The following SLC44A5 variants were observed in gnomAD, a reference collection of about 807,000 sequenced individuals.
SLC44A5 encodes the protein choline transporter-like protein 5.
Under a neutral mutation model 101.8 loss-of-function variants are expected in SLC44A5, and 57 were observed. That is an observed-to-expected ratio of 0.56 (90% confidence interval 0.45 to 0.70). The LOEUF (loss-of-function observed/expected upper bound fraction) is 0.70. SLC44A5 is among the 30% of genes least tolerant of loss of function. SLC44A5 has a pLI of 0.00. For missense variants in SLC44A5, 737 were observed against 853.1 expected (o/e 0.86, Z 1.70); for synonymous variants, 281 against 290.9 (o/e 0.97, Z 0.35).
chr1:75,414,683 G>C (rs1185713368), intron 2 of SLC44A5, among the ~76,000 whole-genome samples: 2 of 152,220 alleles, frequency 1.3e-5, no homozygotes, highest in African/African-American at 2.4e-5. Context: ...AGACAGGCAG[G>C]AGTTAAATAG....
At chr1:75,402,857 C>T (rs566780865) in intron 2 of SLC44A5, among the ~76,000 whole-genome samples, 2 of 152,226 alleles carry the variant, frequency 1.3e-5, no homozygotes. Flanking sequence ...CCATTTACTC[C>T]CCTGGAAAGG....
At chr1:75,592,993 G>A (rs1046130889) in intron 1 of SLC44A5, among the ~76,000 whole-genome samples, 1 of 152,006 alleles carries the variant, frequency 6.6e-6, no homozygotes, top group African/African-American at 2.4e-5. Context: ...GAACAAATGG[G>A]ATCATATTAA....
At chr1:75,464,063 G>A (rs1666668647) in intron 2 of SLC44A5, among the ~76,000 whole-genome samples, 1 of 151,408 alleles carries the variant, frequency 6.6e-6, no homozygotes, top group African/African-American at 2.4e-5. Flanking sequence ...TCTACTAAAA[G>A]CACAAAAAAT....
intron 3 of SLC44A5, among the ~76,000 whole-genome samples, chr1:75,374,007 C>T (rs1230964628): frequency 6.6e-6 from 1 of 152,150 alleles, no homozygotes; most frequent in Non-Finnish European, 1.5e-5. Context: ...TCCCTCCCTC[C>T]ACCAGACCAG....
intron 7 of SLC44A5, among the ~76,000 whole-genome samples, chr1:75,248,339 A>T (rs549615396): frequency 1.7e-4 from 26 of 152,262 alleles, no homozygotes; most frequent in African/African-American, 6.0e-4. Context: ...GGAAAAAATG[A>T]TAATAAAAAA....
At chr1:75,641,923 G>T in the SLC44A5 span, 1 of 1,605,464 alleles carries the variant, frequency 6.2e-7, no homozygotes, top group Admixed American at 1.7e-5. Flanking sequence ...GTTTGGATTT[G>T]GATTTCTTTG....
chr1:75,561,240 T>C (rs1229755969), intron 1 of SLC44A5, among the ~76,000 whole-genome samples: 2 of 152,292 alleles, frequency 1.3e-5, no homozygotes, highest in African/African-American at 4.8e-5. Context: ...AGTCTCCCAG[T>C]ATACTTTCAG....
chr1:75,615,424 C>CACACAT (rs1334541282), upstream of SLC44A5, among the ~76,000 whole-genome samples: 4 of 97,234 alleles, frequency 4.1e-5, no homozygotes, highest in Non-Finnish European at 8.7e-5. Context: ...CTTACACACA[C>CACACAT]ACACACATAC....
At chr1:75,408,218 G>T (rs778995291) in intron 2 of SLC44A5, among the ~76,000 whole-genome samples, 13 of 152,172 alleles carry the variant, frequency 8.5e-5, no homozygotes, top group Non-Finnish European at 1.9e-4. Context: ...AAACACAGAT[G>T]CTAGAGAGGA....
intron 2 of SLC44A5, among the ~76,000 whole-genome samples, chr1:75,416,562 C>G (rs1274259109): frequency 6.6e-6 from 1 of 152,190 alleles, no homozygotes; most frequent in African/African-American, 2.4e-5. Context: ...AAGTGGGCCA[C>G]CATCCTCCAG....
chr1:75,697,862 T>A, the SLC44A5 span, among the ~76,000 whole-genome samples: 2 of 152,134 alleles, frequency 1.3e-5, no homozygotes, highest in South Asian at 4.1e-4. Context: ...GTCACGGAGT[T>A]CCCTTTCCTA....
At chr1:75,401,374 A>T (rs1261839898) in intron 2 of SLC44A5, among the ~76,000 whole-genome samples, 6 of 152,342 alleles carry the variant, frequency 3.9e-5, no homozygotes, top group Admixed American at 6.5e-5. Context: ...GATCTTAAGC[A>T]AATCAGCATA....
chr1:75,384,145 G>C (rs7552853), intron 3 of SLC44A5, among the ~76,000 whole-genome samples: 77,078 of 151,082 alleles, frequency 0.51, 21,461 homozygotes, highest in East Asian at 0.94. Flanking sequence ...GAAACTGCAT[G>C]AACTAACGAG....
chr1:75,217,822 C>A lies in SLC44A5; in HGVS notation c.1624+44G>T, dbSNP rs372174708. ...CATCAGGTCTCCCCCAACCCCCAAC[C>A]CAATTTATTATCTTCACAAAAGTCA... On this transcript the variant is annotated intron_variant, in intron 18 of 23. Coordinates refer to ENST00000370859, the MANE Select transcript of SLC44A5 (RefSeq NM_001130058.2). 141 of 1,301,498 alleles carry A rather than the reference C, an allele frequency of 1.1e-4. 2 individuals carry two copies. Among genetic ancestry groups the A allele is most frequent in the South Asian group, 6.5e-4 (55 of 84,442 alleles). 80.6% of individuals were successfully genotyped at this position (1,301,498 alleles called of 1,614,324 possible). A position where few individuals can be genotyped will look rare whatever the true frequency, so the allele number is the denominator to read the frequency against.
the SLC44A5 span, among the ~76,000 whole-genome samples, chr1:75,689,694 AG>A: frequency 6.6e-6 from 1 of 152,350 alleles, no homozygotes; most frequent in East Asian, 1.9e-4. Flanking sequence ...ATTTACCAAC[AG>A]GCTACCTGGC....
chr1:75,345,915 A>G (rs763700569), intron 3 of SLC44A5, among the ~76,000 whole-genome samples: 4 of 152,204 alleles, frequency 2.6e-5, no homozygotes, highest in Non-Finnish European at 4.4e-5. Flanking sequence ...TATTTCAGAC[A>G]TAAGATGGTA....
chr1:75,260,620 C>T (rs573045173), intron 6 of SLC44A5, among the ~76,000 whole-genome samples: 1 of 152,206 alleles, frequency 6.6e-6, no homozygotes, highest in East Asian at 1.9e-4. Context: ...ATCAATGAGA[C>T]AGAATGTTAA....
intron 4 of SLC44A5, among the ~76,000 whole-genome samples, chr1:75,307,252 G>A (rs974796406): frequency 6.6e-6 from 1 of 152,102 alleles, no homozygotes; most frequent in African/African-American, 2.4e-5. Context: ...GGTGTCACCT[G>A]GGTACATCTG....
At chr1:75,716,287 T>G in the SLC44A5 span, among the ~76,000 whole-genome samples, 1 of 152,090 alleles carries the variant, frequency 6.6e-6, no homozygotes, top group South Asian at 2.1e-4. Context: ...GAGACCAGCC[T>G]GGGCAACATA....
Sources: gnomAD v4.1 joint callset for allele counts (sites outside exome capture counted in the v4.1 genomes callset) on GRCh38, gnomAD v4.1.1 for gene constraint, MANE v1.5 for transcripts, NCBI Gene and HGNC (gene_info 2026-07-23, HGNC 2026-07-21) for gene names.